Variants in PHLDB2 observed in about 807,000 individuals in gnomAD.
PHLDB2 encodes the protein pleckstrin homology-like domain family B member 2.
PHLDB2 carries 71 observed loss-of-function variants against 123.6 expected under a neutral mutation model. The ratio of observed to expected loss-of-function variants is 0.57; its 90% CI spans 0.47 to 0.70. PHLDB2 has a LOEUF of 0.70. PHLDB2 is among the 30% of genes least tolerant of loss of function. The pLI is 0.00. For missense variants in PHLDB2, 1,446 were observed against 1,519.5 expected, an observed-to-expected ratio of 0.95 and a Z score of 0.80; for synonymous variants, 547 against 541.6, an observed-to-expected ratio of 1.01 and a Z score of -0.14.
intron 1 of PHLDB2, among the ~76,000 whole-genome samples, chr3:111,757,078 A>T (rs2059904328): frequency 6.6e-6 from 1 of 152,274 alleles, no homozygotes; most frequent in East Asian, 1.9e-4. Flanking sequence ...GGCTGCCCTT[A>T]ACATTTTTTC....
chr3:111,885,796 T>C, intron 2 of PHLDB2: 2 of 577,886 alleles, frequency 3.5e-6, no homozygotes, highest in Non-Finnish European at 6.1e-6. Flanking sequence ...TGTATGGTTA[T>C]GAGAAGTAGT....
At chr3:111,742,195 T>C (rs1244456672) in intron 1 of PHLDB2, among the ~76,000 whole-genome samples, 1 of 152,216 alleles carries the variant, frequency 6.6e-6, no homozygotes, top group Non-Finnish European at 1.5e-5. Flanking sequence ...AAACTCTAAC[T>C]GGGATACTAC....
At chr3:111,930,613 GA>G (rs146289644) in intron 5 of PHLDB2, among the ~76,000 whole-genome samples, 4,251 of 150,042 alleles carry the variant, frequency 0.028, 131 homozygotes, top group South Asian at 0.13. Context: ...TTTTATTAAG[GA>G]AAAAAAAAAT....
intron 12 of PHLDB2, among the ~76,000 whole-genome samples, chr3:111,954,634 C>T (rs2070928246): frequency 2.0e-5 from 3 of 152,100 alleles, no homozygotes; most frequent in African/African-American, 7.2e-5. Context: ...AATGTAGTTC[C>T]AGGGCTAAGC....
At position 111,961,477 on chromosome 3, in the gene PHLDB2, G is replaced by A. The variant is rs761560178; in HGVS notation, c.2873-631G>A. On this transcript the variant is annotated intron_variant, in intron 12 of 17. Coordinates refer to ENST00000431670, the MANE Select transcript of PHLDB2 (RefSeq NM_001134438.2). ...AAGAGAGCTAGGGTAATTACGAGGA[G>A]CACAGTCATTGGAAGGAATGTTGAC... is the stretch of plus-strand genomic sequence containing the variant. Among the ~76,000 whole-genome samples the A allele has an allele frequency of 1.2e-4, 18 of 152,316 alleles. No homozygotes were observed. The East Asian group carries it at 3.1e-3, about 26-fold the overall frequency.
chr3:111,860,036 G>C (rs369182220), intron 1 of PHLDB2, among the ~76,000 whole-genome samples: 8 of 151,968 alleles, frequency 5.3e-5, no homozygotes, highest in African/African-American at 1.9e-4. Flanking sequence ...GTAGATCTCC[G>C]GTTGAGGGGA....
chr3:111,781,954 C>T (rs6762572), intron 1 of PHLDB2, among the ~76,000 whole-genome samples: 4 of 151,902 alleles, frequency 2.6e-5, no homozygotes, highest in African/African-American at 7.3e-5. Context: ...CTACCTCAGT[C>T]ATAGGGCCAG....
intron 1 of PHLDB2, among the ~76,000 whole-genome samples, chr3:111,760,373 A>T (rs905330720): frequency 1.3e-5 from 2 of 152,056 alleles, no homozygotes; most frequent in Admixed American, 6.6e-5. Context: ...TTGTTGAGAT[A>T]AAAAAAATTG....
At chr3:111,926,660 C>CT (rs2068828843) in intron 5 of PHLDB2, among the ~76,000 whole-genome samples, 1 of 151,596 alleles carries the variant, frequency 6.6e-6, no homozygotes, top group Admixed American at 6.6e-5. Flanking sequence ...GGAAAAAAAT[C>CT]TAAGAAAGAA....
intron 14 of PHLDB2, 81 bp from the exon 15 acceptor site, chr3:111,967,597 A>G (rs957712754): frequency 1.4e-6 from 2 of 1,381,458 alleles, no homozygotes; most frequent in Non-Finnish European, 1.9e-6. Context: ...TCTAGTAAGA[A>G]TTGTCTTTTT....
chr3:111,755,132 C>T (rs1332770907), intron 1 of PHLDB2, among the ~76,000 whole-genome samples: 18 of 145,468 alleles, frequency 1.2e-4, no homozygotes, highest in Admixed American at 1.1e-3. Flanking sequence ...TGTGTCTCTG[C>T]CCGGCTTTGG....
rs1453211323 is a variant in PHLDB2 at position 111,967,759 on chromosome 3, G to A, written c.3250G>A (p.Glu1084Lys). ...REILEKRLQE[E>K]TSQRQKLIEK... ...AATCCTGGAAAAACGATTACAGGAA[G>A]AAACTAGCCAGAGGCAGAAGTTAAT... The change falls in exon 15 of 18, where the codon GAA (glutamate) becomes AAA (lysine). Residue 1084 changes from glutamate (E) to lysine (K), a missense_variant. Transcript: ENST00000431670. The A allele has an allele frequency of 1.2e-6, 2 of 1,613,048 alleles. No homozygotes were observed. The highest frequency in any genetic ancestry group is 2.2e-5 in the East Asian group (1 of 44,878).
intron 2 of PHLDB2, among the ~76,000 whole-genome samples, chr3:111,900,399 CTCTT>C (rs1480208719): frequency 6.6e-6 from 1 of 152,162 alleles, no homozygotes; most frequent in African/African-American, 2.4e-5. Context: ...AGATCTGTAA[CTCTT>C]TCAGTTGAAC....
At chr3:111,888,046 TA>T (rs1233361758) in intron 2 of PHLDB2, among the ~76,000 whole-genome samples, 16 of 152,134 alleles carry the variant, frequency 1.1e-4, no homozygotes, top group Admixed American at 1.0e-3. Context: ...GAAGGAGAGT[TA>T]AAATCCTTTA....
At position 111,866,014 on chromosome 3, in the gene PHLDB2, A is replaced by ATTTTT. The variant is rs61038523; in HGVS notation, c.-15+6458_-15+6462dup. On this transcript the variant is annotated intron_variant, in intron 1 of 17. Coordinates refer to ENST00000431670, the MANE Select transcript of PHLDB2 (RefSeq NM_001134438.2). Reference sequence around the variant, plus strand: ...TTTTAGAAACCTACCCCACCCACTCATTTTTTTTTTTTTTTTTTTTTTTTG... The same window carrying ATTTTT: ...TTTTAGAAACCTACCCCACCCACTCATTTTTTTTTTTTTTTTTTTTTTTTTTTTTG... Among the ~76,000 whole-genome samples the ATTTTT allele has an allele frequency of 3.0e-3, 175 of 57,404 alleles. 28 individuals carry two copies. The highest frequency in any genetic ancestry group is 9.5e-3 in the South Asian group (12 of 1,258). The allele number at this position is 57,404 out of a possible 152,430, so 37.7% of individuals were successfully genotyped here.
At chr3:111,865,888 G>C (rs1432307594) in intron 1 of PHLDB2, among the ~76,000 whole-genome samples, 1 of 151,854 alleles carries the variant, frequency 6.6e-6, no homozygotes, top group East Asian at 1.9e-4. Flanking sequence ...AGATAGCATG[G>C]AAGGGAAAAA....
intron 5 of PHLDB2, among the ~76,000 whole-genome samples, chr3:111,931,771 C>T (rs1486806594): frequency 6.6e-6 from 1 of 152,192 alleles, no homozygotes; most frequent in Non-Finnish European, 1.5e-5. Context: ...ATTAATACAC[C>T]TAGAATTCCT....
At chr3:111,853,069 A>G (rs2064329044) in intron 2 of PHLDB2, among the ~76,000 whole-genome samples, 1 of 152,200 alleles carries the variant, frequency 6.6e-6, no homozygotes, top group Non-Finnish European at 1.5e-5. Flanking sequence ...TCTGGTATTA[A>G]TTTGATTAAT....
intron 12 of PHLDB2, chr3:111,956,882 A>G (rs1034001558): frequency 1.3e-5 from 2 of 152,212 alleles, no homozygotes; most frequent in Non-Finnish European, 2.9e-5. Flanking sequence ...TACAAGTAAA[A>G]TTCTATGGAT....
Sources: allele counts gnomAD v4.1 joint callset (sites outside exome capture counted in the v4.1 genomes callset), GRCh38; gene constraint gnomAD v4.1.1; transcripts MANE v1.5; gene names NCBI Gene and HGNC (gene_info 2026-07-23, HGNC 2026-07-21).